Variants in TBC1D4 observed in about 807,000 individuals in gnomAD.
TBC1D4 encodes the protein TBC1 domain family member 4.
In TBC1D4, 121 loss-of-function variants were observed where a neutral mutation model predicts 142.5. The ratio of observed to expected loss-of-function variants is 0.85; its 90% CI spans 0.73 to 0.99. TBC1D4 has a LOEUF of 0.99. TBC1D4 is among the 50% of genes least tolerant of loss of function. The pLI is 0.00. For missense variants in TBC1D4, 1,475 were observed against 1,606.6 expected, an observed-to-expected ratio of 0.92 and a Z score of 1.40; for synonymous variants, 630 against 628.2, an observed-to-expected ratio of 1.00 and a Z score of -0.04.
intron 1 of TBC1D4, among the ~76,000 whole-genome samples, chr13:75,403,376 T>C (rs941043859): frequency 3.3e-4 from 50 of 152,264 alleles, no homozygotes; most frequent in African/African-American, 1.0e-3. Context: ...AATATTTTAA[T>C]TGTAGGCTCT....
chr13:75,404,663 C>A (rs147343952), intron 1 of TBC1D4, among the ~76,000 whole-genome samples: 161 of 152,310 alleles, frequency 1.1e-3, no homozygotes, highest in African/African-American at 3.7e-3. Flanking sequence ...AGAAGTATCA[C>A]AGAATGCTAA....
intron 1 of TBC1D4, among the ~76,000 whole-genome samples, chr13:75,467,408 A>AT (rs1241839896): frequency 6.6e-5 from 10 of 152,228 alleles, no homozygotes; most frequent in African/African-American, 2.2e-4. Flanking sequence ...CTAATGACAA[A>AT]ACAGAGAAAC....
chr13:75,398,923 C>A (rs1884940038), intron 1 of TBC1D4, among the ~76,000 whole-genome samples: 1 of 152,172 alleles, frequency 6.6e-6, no homozygotes, highest in African/African-American at 2.4e-5. Context: ...GACACCCAGC[C>A]TAAAGTAGAG....
chr13:75,330,476 C>T (rs973872797), intron 8 of TBC1D4, among the ~76,000 whole-genome samples: 3 of 152,186 alleles, frequency 2.0e-5, no homozygotes, highest in Non-Finnish European at 2.9e-5. Context: ...TTTTACACTG[C>T]ATTAGCTCAC....
intron 3 of TBC1D4, among the ~76,000 whole-genome samples, chr13:75,358,820 C>T (rs1481375320): frequency 6.6e-6 from 1 of 152,036 alleles, no homozygotes; most frequent in Non-Finnish European, 1.5e-5. Context: ...GCCATGATCA[C>T]GCCACTGCAA....
At chr13:75,287,319 A>G (rs550472437) in intron 20 of TBC1D4, among the ~76,000 whole-genome samples, 3 of 152,282 alleles carry the variant, frequency 2.0e-5, no homozygotes, top group African/African-American at 7.2e-5. Context: ...AGTGAGTGGG[A>G]TCTGGCCTGG....
chr13:75,364,996 C>A (rs1475050253), intron 1 of TBC1D4, among the ~76,000 whole-genome samples: 1 of 152,112 alleles, frequency 6.6e-6, no homozygotes, highest in Non-Finnish European at 1.5e-5. Flanking sequence ...TGTGTCAAGT[C>A]TTTTGAATTT....
At chr13:75,408,226 T>C (rs1051431836) in intron 1 of TBC1D4, among the ~76,000 whole-genome samples, 1 of 152,246 alleles carries the variant, frequency 6.6e-6, no homozygotes, top group Non-Finnish European at 1.5e-5. Context: ...CTTCTGTGAC[T>C]GGCCTCTTTC....
chr13:75,416,979 C>T (rs1885946058), intron 1 of TBC1D4, among the ~76,000 whole-genome samples: 1 of 152,206 alleles, frequency 6.6e-6, no homozygotes, highest in Non-Finnish European at 1.5e-5. Flanking sequence ...TGTGCAGATG[C>T]TCAAAGCTGC....
Position 75,283,769 on chromosome 13 carries a change from A to C in TBC1D4, c.*3023T>G, listed in dbSNP as rs1228446457. Among the ~76,000 whole-genome samples the C allele has an allele frequency of 6.6e-6, 1 of 152,198 alleles. No homozygotes were observed. The highest frequency in any genetic ancestry group is 1.5e-5 in the Non-Finnish European group (1 of 68,034). On this transcript the variant is annotated 3_prime_UTR_variant, in exon 21 of 21. Transcript: ENST00000377636. ...CTCCATTGAGAAAGTAAGTTGAAAA[A>C]TGGTAACAATGTACTTACATAAATG...
intron 8 of TBC1D4, among the ~76,000 whole-genome samples, chr13:75,332,584 TTACTG>T (rs891814655): frequency 5.2e-5 from 3 of 57,596 alleles, no homozygotes; most frequent in African/African-American, 9.6e-5. Context: ...GAAACCCAAA[TTACTG>T]GACCCCACCC....
In TBC1D4 at chr13:75,306,403, C is replaced by T; in HGVS notation, c.2662G>A (p.Glu888Lys). 3.1e-6 allele frequency: 5 copies of T among 1,613,502 alleles called. No individual in the cohort carries two copies. Among genetic ancestry groups the T allele is most frequent in the Non-Finnish European group, 4.2e-6 (5 of 1,179,892 alleles). Residue 888 changes from glutamate (E) to lysine (K), a missense_variant, in exon 15 of 21, where the codon GAG (glutamate) becomes AAG (lysine). Physicochemically the swap from Glu to Lys is moderately conservative, Grantham distance 56. Around this residue, in one of 2 missense-constraint regions of TBC1D4, gnomAD observed 1,227 missense variants for 1,267.7 expected, o/e 0.97. Transcript: ENST00000377636. ...TTCTTATCCCAAGTTATTAAGACCT[C>T]TTTCTGACATGCACCAACTTCTTCA... Reference protein sequence around the residue: ...DYEEVGACQKEVLITWDKKLL... With the variant: ...DYEEVGACQKKVLITWDKKLL...
intron 3 of TBC1D4, among the ~76,000 whole-genome samples, chr13:75,356,808 A>G (rs1882091447): frequency 1.3e-5 from 2 of 152,334 alleles, no homozygotes; most frequent in East Asian, 3.9e-4. Flanking sequence ...CCACAGTGAC[A>G]AATCATTGTA....
At chr13:75,403,180 T>TGCATTTTTAATTCCA (rs1302699785) in intron 1 of TBC1D4, among the ~76,000 whole-genome samples, 1 of 152,182 alleles carries the variant, frequency 6.6e-6, no homozygotes, top group Non-Finnish European at 1.5e-5. Flanking sequence ...TACCAGGAGA[T>TGCATTTTTAATTCCA]CCTGGGTCAA....
In TBC1D4 at chr13:75,448,056, A is replaced by C. The variant is rs534096183; in HGVS notation, c.498+33214T>G. Among the ~76,000 whole-genome samples the C allele has an allele frequency of 1.6e-3, 241 of 152,290 alleles. 1 individual carries two copies. Among genetic ancestry groups the C allele is most frequent in the African/African-American group, 5.4e-3 (226 of 41,558 alleles). On this transcript the variant is annotated intron_variant, in intron 1 of 20. Coordinates refer to ENST00000377636, the MANE Select transcript of TBC1D4 (RefSeq NM_014832.5). Reference sequence around the variant, plus strand: ...TCATCCCAAAACCATCCCCGCCACCAGTCCACAGAAAAATTATCTTCCATG... The same window carrying C: ...TCATCCCAAAACCATCCCCGCCACCCGTCCACAGAAAAATTATCTTCCATG...
At chr13:75,314,346 G>GCCA (rs557591419) in intron 12 of TBC1D4, among the ~76,000 whole-genome samples, 185 of 152,272 alleles carry the variant, frequency 1.2e-3, no homozygotes, top group African/African-American at 4.0e-3. Context: ...AGACAGAACA[G>GCCA]CCACTCTCAG....
chr13:75,385,229 T>C (rs1160381891), intron 1 of TBC1D4, among the ~76,000 whole-genome samples: 4 of 152,196 alleles, frequency 2.6e-5, no homozygotes, highest in Non-Finnish European at 4.4e-5. Context: ...ACAGCACTTA[T>C]GGCACTATAT....
chr13:75,349,391 C>G (rs1415264581), intron 4 of TBC1D4, 89 bp from the exon 5 acceptor site: 1 of 1,507,106 alleles, frequency 6.6e-7, no homozygotes, highest in African/African-American at 1.5e-5. Context: ...TTTGTTGATG[C>G]TGACTAAATA....
chr13:75,429,605 T>C (rs1000534427), intron 1 of TBC1D4, among the ~76,000 whole-genome samples: 3 of 152,136 alleles, frequency 2.0e-5, no homozygotes, highest in South Asian at 4.1e-4. Flanking sequence ...TTTGGCAAGA[T>C]AAAATAAAAG....
Sources: allele counts gnomAD v4.1 joint callset (sites outside exome capture counted in the v4.1 genomes callset), GRCh38; gene constraint gnomAD v4.1.1; regional missense constraint gnomAD v4.1.1; transcripts MANE v1.5; gene names NCBI Gene and HGNC (gene_info 2026-07-23, HGNC 2026-07-21).